The following ZMAT4 variants were observed in gnomAD, a reference collection of about 807,000 sequenced individuals.
ZMAT4 encodes the protein zinc finger matrin-type protein 4.
In ZMAT4, 17 loss-of-function variants were observed where a neutral mutation model predicts 28.7. That is an observed-to-expected ratio of 0.59 (90% CI 0.41 to 0.89). The LOEUF (loss-of-function observed/expected upper bound fraction) is 0.89, where lower values mean the gene tolerates loss of function less well. ZMAT4 is among the 40% of genes least tolerant of loss of function. The pLI is 0.00. For synonymous variants in ZMAT4, 117 were observed against 109.2 expected, an observed-to-expected ratio of 1.07 and a Z score of -0.44; for missense variants, 240 against 283.8, an observed-to-expected ratio of 0.85 and a Z score of 1.11.
chr8:40,823,699 A>ACG (rs1370264773), intron 2 of ZMAT4, among the ~76,000 whole-genome samples: 1 of 151,876 alleles, frequency 6.6e-6, no homozygotes, highest in Admixed American at 6.6e-5. Context: ...ATATACACAC[A>ACG]CACACACGTG....
intron 5 of ZMAT4, among the ~76,000 whole-genome samples, chr8:40,584,787 C>A (rs1429600811): frequency 2.6e-5 from 4 of 152,120 alleles, no homozygotes; most frequent in African/African-American, 9.7e-5. Flanking sequence ...GCAAGTGTCA[C>A]CATGCCCGGC....
intron 5 of ZMAT4, 46 bp from the exon 6 acceptor site, chr8:40,581,307 C>T (rs1212077556): frequency 6.6e-7 from 1 of 1,516,432 alleles, no homozygotes; most frequent in East Asian, 2.3e-5. Flanking sequence ...AGTCGTCAAC[C>T]ACCTGAAATG....
At chr8:40,883,506 C>T (rs1303282243) in intron 1 of ZMAT4, among the ~76,000 whole-genome samples, 5 of 152,184 alleles carry the variant, frequency 3.3e-5, no homozygotes, top group Non-Finnish European at 5.9e-5. Context: ...ATTCAGCTCC[C>T]ACCTTCTGAG....
At chr8:40,655,263 C>G (rs186339309) in intron 5 of ZMAT4, among the ~76,000 whole-genome samples, 8 of 152,082 alleles carry the variant, frequency 5.3e-5, no homozygotes, top group Non-Finnish European at 1.0e-4. Context: ...AAAACACATG[C>G]AAGACTTACA....
At chr8:40,722,793 A>G (rs1331186210) in intron 3 of ZMAT4, among the ~76,000 whole-genome samples, 2 of 152,154 alleles carry the variant, frequency 1.3e-5, no homozygotes, top group Non-Finnish European at 2.9e-5. Context: ...CTACCGGGAG[A>G]AGGAGACAGA....
intron 3 of ZMAT4, among the ~76,000 whole-genome samples, chr8:40,714,735 T>C (rs765593794): frequency 5.9e-5 from 9 of 152,096 alleles, no homozygotes; most frequent in Non-Finnish European, 1.0e-4. Flanking sequence ...AGGAAAGAAA[T>C]GAAATAAGTT....
chr8:40,558,690 C>T (rs183732614), intron 6 of ZMAT4, among the ~76,000 whole-genome samples: 111 of 152,140 alleles, frequency 7.3e-4, no homozygotes, highest in African/African-American at 2.6e-3. Context: ...TGCTGCACAT[C>T]TAAATTGAGA....
chr8:40,531,344 A>G lies in ZMAT4; in HGVS notation c.*879T>C, dbSNP rs1433023704. 6.6e-6 allele frequency: 1 copy of G among 152,164 alleles called. No individual in the cohort carries two copies. Among genetic ancestry groups the G allele is most frequent in the Non-Finnish European group, 1.5e-5 (1 of 68,018 alleles). The allele number at this position is 152,164 out of a possible 1,614,324, so 9.4% of individuals were successfully genotyped here. A position where few individuals can be genotyped will look rare whatever the true frequency, so the allele number is the denominator to read the frequency against. On this transcript the variant is annotated 3_prime_UTR_variant, in exon 7 of 7. Transcript: ENST00000297737. ...CTTCAGAATTTTCTCACTTCTTTCC[A>G]AACGATCAGTATCCCCCAATTAAAG...
chr8:40,792,436 G>A (rs1814371093), intron 2 of ZMAT4, among the ~76,000 whole-genome samples: 2 of 122,670 alleles, frequency 1.6e-5, no homozygotes, highest in African/African-American at 3.2e-5. Flanking sequence ...TAGATTAGTA[G>A]GTAAACCATG....
In ZMAT4 at chr8:40,589,731, C is replaced by CCTTTCTTT. The variant is rs142961756; in HGVS notation, c.578-8478_578-8471dup. Among the ~76,000 whole-genome samples the CCTTTCTTT allele has an allele frequency of 7.9e-3, 1,098 of 139,376 alleles. 19 individuals carry two copies. Among genetic ancestry groups the CCTTTCTTT allele is most frequent in the East Asian group, 0.035 (166 of 4,722 alleles). The allele number at this position is 139,376 out of a possible 152,430, so 91.4% of individuals were successfully genotyped here. A position where few individuals can be genotyped will look rare whatever the true frequency, so the allele number is the denominator to read the frequency against. On this transcript the variant is annotated intron_variant, in intron 5 of 6. Transcript: ENST00000297737. The stretch of plus-strand genomic sequence containing the variant: ...CTTCTTCCTTCTTCCTTCTTCCTTT[C>CCTTTCTTT]CTTTCTTTCTTTCTTTCTTTCTTTC...
intron 6 of ZMAT4, among the ~76,000 whole-genome samples, chr8:40,560,497 A>G (rs1315680399): frequency 1.3e-5 from 2 of 151,980 alleles, no homozygotes; most frequent in Non-Finnish European, 2.9e-5. Context: ...CCTCCTGGGT[A>G]CAAGTCATCC....
intron 5 of ZMAT4, among the ~76,000 whole-genome samples, chr8:40,604,904 G>A (rs1006101187): frequency 2.6e-5 from 4 of 152,102 alleles, no homozygotes; most frequent in Admixed American, 2.6e-4. Flanking sequence ...CTCACTGCTT[G>A]TCATTGGTCT....
chr8:40,603,324 T>C (rs1263110929), intron 5 of ZMAT4, among the ~76,000 whole-genome samples: 1 of 152,206 alleles, frequency 6.6e-6, no homozygotes, highest in African/African-American at 2.4e-5. Context: ...TTGGTGACCA[T>C]AGTCTTATAT....
At position 40,847,217 on chromosome 8, in the gene ZMAT4, AC is replaced by A. The variant is rs370150064; in HGVS notation, c.-4-21538del. On this transcript the variant is annotated intron_variant, in intron 1 of 6. Transcript: ENST00000297737. ...AGATTCCATCTAAAAAAACAAACAA[AC>A]AAAAAAAAAAAACTGGGGGAAATCC... is the stretch of plus-strand genomic sequence containing the variant. Among the ~76,000 whole-genome samples, 933 of 108,002 alleles carry A rather than the reference AC, an allele frequency of 8.6e-3. 11 individuals are homozygous for A. The highest frequency in any genetic ancestry group is 0.028 in the African/African-American group (784 of 28,266). 70.9% of individuals were successfully genotyped at this position (108,002 alleles called of 152,430 possible).
At chr8:40,601,681 AAAGAAAGAAAGAAAGAAAGAAAGAAAAG>A in intron 5 of ZMAT4, among the ~76,000 whole-genome samples, 11 of 30,500 alleles carry the variant, frequency 3.6e-4, no homozygotes, top group Admixed American at 1.7e-3. Context: ...AGAAAGAAAG[AAAGAAAGAAAGAAAGAAAGAAAGAAAAG>A]AAAGAAAGAA....
intron 3 of ZMAT4, among the ~76,000 whole-genome samples, chr8:40,718,030 C>T (rs1810928028): frequency 6.6e-6 from 1 of 152,132 alleles, no homozygotes; most frequent in African/African-American, 2.4e-5. Context: ...ACTAGTTTTT[C>T]CACTCATGTT....
chr8:40,633,365 C>A (rs559740974), intron 5 of ZMAT4, among the ~76,000 whole-genome samples: 2 of 152,204 alleles, frequency 1.3e-5, no homozygotes, highest in South Asian at 4.1e-4. Context: ...AGTGGGAAAC[C>A]CATTAAGTGG....
intron 1 of ZMAT4, among the ~76,000 whole-genome samples, chr8:40,863,603 C>T (rs529051115): frequency 6.6e-6 from 1 of 152,294 alleles, no homozygotes; most frequent in Non-Finnish European, 1.5e-5. Context: ...AGTTCCTATG[C>T]AGCTTCCAGT....
intron 3 of ZMAT4, among the ~76,000 whole-genome samples, chr8:40,715,509 T>A (rs1810813454): frequency 6.6e-6 from 1 of 152,226 alleles, no homozygotes; most frequent in African/African-American, 2.4e-5. Flanking sequence ...TTATGCAAAA[T>A]TATTTTTTTC....
Sources: gnomAD v4.1 joint callset for allele counts (sites outside exome capture counted in the v4.1 genomes callset) on GRCh38, gnomAD v4.1.1 for gene constraint, MANE v1.5 for transcripts, NCBI Gene and HGNC (gene_info 2026-07-23, HGNC 2026-07-21) for gene names.